TEAD1: variants seen among roughly 807,000 people sequenced by gnomAD.
TEAD1 encodes the protein TEA domain transcription factor 1, also known as transcriptional enhancer factor TEF-1.
A neutral mutation model predicts 54.9 loss-of-function variants in TEAD1; 9 were observed. The observed-to-expected ratio is 0.16, with a 90% CI of 0.10 to 0.29. TEAD1 has a LOEUF of 0.29. Ranked by LOEUF, TEAD1 falls within the 10% of genes least tolerant of loss-of-function variation. The probability of loss-of-function intolerance (pLI) is 1.00; values close to 1 mark genes in which losing one functional copy is unlikely to be tolerated. For missense variants in TEAD1, 387 were observed against 535.9 expected (o/e 0.72, Z 2.74); for synonymous variants, 200 against 187.8 (o/e 1.07, Z -0.53).
intron 3 of TEAD1, among the ~76,000 whole-genome samples, chr11:12,764,672 C>T (rs141350882): frequency 1.2e-3 from 182 of 152,058 alleles, no homozygotes; most frequent in Non-Finnish European, 1.6e-3. Context: ...AGTGGCATTA[C>T]ATCAGAAGCT....
intron 3 of TEAD1, among the ~76,000 whole-genome samples, chr11:12,806,529 G>C (rs1946176465): frequency 6.6e-6 from 1 of 152,016 alleles, no homozygotes; most frequent in Non-Finnish European, 1.5e-5. Flanking sequence ...CACCCTGGGA[G>C]GAGGAGGAAG....
At chr11:12,804,767 A>G (rs1005185316) in intron 3 of TEAD1, among the ~76,000 whole-genome samples, 2 of 152,128 alleles carry the variant, frequency 1.3e-5, no homozygotes, top group East Asian at 3.9e-4. Context: ...GTACCTTTCT[A>G]TGTGTTGGGA....
At chr11:12,678,509 A>C (rs190658734) in intron 2 of TEAD1, among the ~76,000 whole-genome samples, 1 of 152,336 alleles carries the variant, frequency 6.6e-6, no homozygotes, top group Admixed American at 6.5e-5. Context: ...TCAGTGATAC[A>C]TTTTATTCTT....
intron 5 of TEAD1, 152 bp from the exon 6 acceptor site, chr11:12,879,556 T>G: frequency 1.1e-6 from 1 of 916,760 alleles, no homozygotes; most frequent in Non-Finnish European, 1.7e-6. Context: ...TGGTTTAGCC[T>G]TCTGGCTGTG....
At chr11:12,790,231 C>T (rs1231507087) in intron 3 of TEAD1, among the ~76,000 whole-genome samples, 3 of 152,216 alleles carry the variant, frequency 2.0e-5, no homozygotes, top group Non-Finnish European at 4.4e-5. Flanking sequence ...GGGCCAGAGC[C>T]TAAGGTTTTG....
chr11:12,722,569 A>C (rs1425458978), intron 2 of TEAD1, among the ~76,000 whole-genome samples: 2 of 151,854 alleles, frequency 1.3e-5, no homozygotes, highest in Non-Finnish European at 2.9e-5. Context: ...TAACATACAA[A>C]TTGGTTTCCC....
At chr11:12,855,792 T>A (rs1447903132) in intron 3 of TEAD1, among the ~76,000 whole-genome samples, 4 of 151,174 alleles carry the variant, frequency 2.6e-5, no homozygotes, top group South Asian at 2.1e-4. Context: ...AAAAAAAAAA[T>A]TTAAGAATTA....
chr11:12,925,189 A>G (rs1250084416), intron 11 of TEAD1, 137 bp downstream of exon 11: 7 of 981,848 alleles, frequency 7.1e-6, no homozygotes, highest in South Asian at 2.8e-5. Context: ...TCACACTGCT[A>G]TGAAGAACTA....
At chr11:12,870,658 G>C (rs1947727955) in intron 5 of TEAD1, among the ~76,000 whole-genome samples, 1 of 152,156 alleles carries the variant, frequency 6.6e-6, no homozygotes, top group Non-Finnish European at 1.5e-5. Context: ...GGCCGAGATG[G>C]GCAGATTGCC....
chr11:12,917,918 G>A (rs577953554), intron 10 of TEAD1, among the ~76,000 whole-genome samples: 123 of 152,268 alleles, frequency 8.1e-4, no homozygotes, highest in African/African-American at 2.9e-3. Context: ...ATGGGATATG[G>A]TTTGACTTTG....
chr11:12,879,850 A>G lies in TEAD1; in HGVS notation c.465+8A>G, dbSNP rs199752430. 1,060 of 1,612,828 alleles carry G rather than the reference A, an allele frequency of 6.6e-4. 1 individual carries two copies. The highest frequency in any genetic ancestry group is 8.4e-4 in the Non-Finnish European group (994 of 1,180,042). ...TTCCCAGGGGCGCCGGGGGTAAGTC[A>G]TGAGCTCAGTCCAGTAATGACAGCT... On this transcript the variant is annotated splice_region_variant and intron_variant, in intron 6 of 12. Transcript: ENST00000527636.
chr11:12,864,977 C>T (rs370413093), intron 5 of TEAD1, 77 bp downstream of exon 5: 4 of 1,508,886 alleles, frequency 2.7e-6, no homozygotes, highest in Non-Finnish European at 9.2e-7. Context: ...TGGTGAATGC[C>T]TGGTGCTGGG....
chr11:12,859,290 G>T (rs188290356), intron 3 of TEAD1, among the ~76,000 whole-genome samples: 1 of 150,174 alleles, frequency 6.7e-6, no homozygotes, highest in East Asian at 1.9e-4. Context: ...TGTTTTCCCA[G>T]AAAATAAACA....
At chr11:12,929,163 C>CGTGTGTGTGT (rs60060462) in intron 11 of TEAD1, among the ~76,000 whole-genome samples, 4,240 of 106,678 alleles carry the variant, frequency 0.04, 90 homozygotes, top group African/African-American at 0.042. Context: ...TTTGCTTTGC[C>CGTGTGTGTGT]GTGTGTGTGT....
chr11:12,710,223 C>A (rs1369237951), intron 2 of TEAD1, among the ~76,000 whole-genome samples: 1 of 152,040 alleles, frequency 6.6e-6, no homozygotes, highest in Non-Finnish European at 1.5e-5. Context: ...TCTTGGGAGG[C>A]TGAGGCAGGA....
At chr11:12,930,009 A>C (rs1347376228) in intron 11 of TEAD1, among the ~76,000 whole-genome samples, 165 bp from the exon 12 acceptor site, 2 of 152,216 alleles carry the variant, frequency 1.3e-5, no homozygotes, top group African/African-American at 2.4e-5. Context: ...TATAGCAATA[A>C]ATTTGGAGAT....
chr11:12,862,419 A>T (rs1255029019), intron 4 of TEAD1, 105 bp downstream of exon 4: 1 of 974,546 alleles, frequency 1.0e-6, no homozygotes, highest in Non-Finnish European at 1.6e-6. Flanking sequence ...CCCCAATTTG[A>T]GTTCCCTGTA....
intron 10 of TEAD1, chr11:12,904,879 CA>C: frequency 2.8e-6 from 1 of 359,010 alleles, no homozygotes; most frequent in Non-Finnish European, 5.3e-6. Context: ...CCTGTTACGG[CA>C]AATTCAAAAC....
At position 12,674,445 on chromosome 11, in the gene TEAD1, C is replaced by T. The variant is rs1943030665; in HGVS notation, c.-597C>T. ...CATTCCGAACATTCTTAGCATCGCT[C>T]GCGCCGCGCCGCGCCGCCTGAGCCG... is the stretch of plus-strand genomic sequence containing the variant. On this transcript the variant is annotated 5_prime_UTR_variant, in exon 1 of 13. Coordinates refer to ENST00000527636, the MANE Select transcript of TEAD1 (RefSeq NM_021961.6). The T allele has an allele frequency of 6.6e-6, 1 of 150,856 alleles. No individual in the cohort carries two copies. The allele number at this position is 150,856 out of a possible 1,614,324, so 9.3% of individuals were successfully genotyped here. A position where few individuals can be genotyped will look rare whatever the true frequency, so the allele number is the denominator to read the frequency against.
Sources: gnomAD v4.1 joint callset for allele counts (sites outside exome capture counted in the v4.1 genomes callset) on GRCh38, gnomAD v4.1.1 for gene constraint, MANE v1.5 for transcripts, NCBI Gene and HGNC (gene_info 2026-07-23, HGNC 2026-07-21) for gene names.